The following WNT9A variants were observed in gnomAD, a reference collection of about 807,000 sequenced individuals.
The protein encoded by WNT9A is Wnt family member 9A.
Under a neutral mutation model 31.4 loss-of-function variants are expected in WNT9A, and 8 were observed. The ratio of observed to expected loss-of-function variants is 0.26; its 90% CI spans 0.15 to 0.46. The LOEUF is 0.46. WNT9A is among the 20% of genes least tolerant of loss of function. The pLI is 0.99. For missense variants in WNT9A, 457 were observed against 522.9 expected (o/e 0.87, Z 1.23); for synonymous variants, 236 against 220.1 (o/e 1.07, Z -0.64).
At chr1:227,931,136 G>A (rs1030810934) in intron 1 of WNT9A, among the ~76,000 whole-genome samples, 2 of 152,024 alleles carry the variant, frequency 1.3e-5, no homozygotes, top group East Asian at 3.9e-4. Context: ...ACCGAGGCTG[G>A]AGTGCAGTGG....
At position 227,921,556 on chromosome 1, in the gene WNT9A, A is replaced by C. The variant is rs755237721; in HGVS notation, c.1060T>G (p.Cys354Gly). 1 of 1,612,764 alleles carries C rather than the reference A, an allele frequency of 6.2e-7. No individual in the cohort carries two copies. Among genetic ancestry groups the C allele is most frequent in the Non-Finnish European group, 8.5e-7 (1 of 1,179,574 alleles). Residue 354 changes from cysteine (C) to glycine (G), a missense_variant, in exon 4 of 4, where the codon TGC becomes GGC. Coordinates refer to ENST00000272164, the MANE Select transcript of WNT9A (RefSeq NM_003395.4). Reference sequence around the variant, plus strand: ...GTGTAGACCTCCTCACGCTGCGTGCACTGCCTGCACTCCACATAGCAGCAC... The same window carrying C: ...GTGTAGACCTCCTCACGCTGCGTGCCCTGCCTGCACTCCACATAGCAGCAC... ...RWCCYVECRQ[C>G]TQREEVYTCK...
Position 227,924,222 on chromosome 1 carries a change from C to T in WNT9A, c.531G>A (p.Lys177=), listed in dbSNP as rs200491622. ...GCGDNLKYSS[K]FVKEFLGRRS... is the part of the protein sequence containing the mutation. ...GTCTGCCCAGGAATTCCTTGACGAA[C>T]TTGCTGCTGTACTTAAGGTTGTCTC... The change falls in exon 3 of 4, where the codon AAG becomes AAA. Residue 177 remains lysine (K), a synonymous_variant. Transcript: ENST00000272164. The T allele has an allele frequency of 1.6e-4, 258 of 1,613,198 alleles. 3 individuals are homozygous for T. The Middle Eastern group carries it at 9.2e-3, about 58-fold the overall frequency.
chr1:227,941,036 C>CA (rs1666696461), intron 1 of WNT9A, among the ~76,000 whole-genome samples: 1 of 152,272 alleles, frequency 6.6e-6, no homozygotes. Context: ...TGCATGGCTG[C>CA]TCTGGTGGGG....
At chr1:227,932,076 T>C (rs753788160) in intron 1 of WNT9A, among the ~76,000 whole-genome samples, 13 of 152,214 alleles carry the variant, frequency 8.5e-5, no homozygotes, top group Admixed American at 1.3e-4. Flanking sequence ...GGACTCTCCC[T>C]TTCATGAAAG....
At chr1:227,935,734 T>G (rs1053685653) in intron 1 of WNT9A, among the ~76,000 whole-genome samples, 1 of 152,218 alleles carries the variant, frequency 6.6e-6, no homozygotes, top group Non-Finnish European at 1.5e-5. Flanking sequence ...TTCCTCTTTT[T>G]GGGTTTTTGT....
intron 1 of WNT9A, among the ~76,000 whole-genome samples, chr1:227,930,065 T>C (rs1666481483): frequency 6.6e-6 from 1 of 152,224 alleles, no homozygotes; most frequent in African/African-American, 2.4e-5. Flanking sequence ...ATCACATCTT[T>C]CTGGAAGCAT....
Position 227,921,299 on chromosome 1 carries a change from T to A in WNT9A, c.*219A>T. 3.2e-6 allele frequency: 2 copies of A among 630,402 alleles called. No homozygotes were observed. The highest frequency in any genetic ancestry group is 2.6e-6 in the Non-Finnish European group (1 of 382,034). The allele number at this position is 630,402 out of a possible 1,614,324, so 39.1% of individuals were successfully genotyped here. On this transcript the variant is annotated 3_prime_UTR_variant, in exon 4 of 4. Transcript: ENST00000272164. ...TGCTCTGTGCAATGCCTGCACCCCA[T>A]GCAGCTAGGACTGAGCCCAGGGACT...
intron 2 of WNT9A, 50 bp from the exon 3 acceptor site, chr1:227,924,450 C>T: frequency 1.3e-6 from 2 of 1,571,740 alleles, no homozygotes; most frequent in Non-Finnish European, 1.7e-6. Flanking sequence ...CAGAGTTCCC[C>T]CTTCACTGTC....
At chr1:227,923,854 C>T (rs931248797) in intron 3 of WNT9A, among the ~76,000 whole-genome samples, 10 of 152,126 alleles carry the variant, frequency 6.6e-5, no homozygotes, top group Non-Finnish European at 1.3e-4. Context: ...CCACAGGGAC[C>T]GTGGGGGCCC....
At chr1:227,944,225 G>A (rs892661358) in intron 1 of WNT9A, among the ~76,000 whole-genome samples, 5 of 152,268 alleles carry the variant, frequency 3.3e-5, no homozygotes, top group South Asian at 2.1e-4. Flanking sequence ...CAATACTAAC[G>A]CGTGCTACAA....
chr1:227,936,896 C>T (rs1011629773), intron 1 of WNT9A, among the ~76,000 whole-genome samples: 11 of 152,144 alleles, frequency 7.2e-5, no homozygotes, highest in Non-Finnish European at 1.3e-4. Flanking sequence ...TATTCAATTT[C>T]GGAAAACTCT....
At chr1:227,947,299 C>T (rs1285486513) in intron 1 of WNT9A, among the ~76,000 whole-genome samples, 1 of 150,878 alleles carries the variant, frequency 6.6e-6, no homozygotes, top group African/African-American at 2.5e-5. Flanking sequence ...TGGAGGATTT[C>T]TCTCTTTCTC....
chr1:227,931,382 T>C (rs1666508151), intron 1 of WNT9A, among the ~76,000 whole-genome samples: 1 of 152,222 alleles, frequency 6.6e-6, no homozygotes, highest in Non-Finnish European at 1.5e-5. Flanking sequence ...TCTTGTTTCA[T>C]TTTCCTAGGA....
At chr1:227,947,161 A>C (rs1427268495) in intron 1 of WNT9A, among the ~76,000 whole-genome samples, 2 of 152,150 alleles carry the variant, frequency 1.3e-5, no homozygotes, top group Non-Finnish European at 2.9e-5. Flanking sequence ...GAGCACGGGC[A>C]ATGACACCGC....
At chr1:227,947,748 G>T in intron 1 of WNT9A, 45 bp downstream of exon 1, 1 of 892,464 alleles carries the variant, frequency 1.1e-6, no homozygotes, top group Non-Finnish European at 1.4e-6. Flanking sequence ...CCCCGGCCCC[G>T]CCGCCCCCGC....
intron 1 of WNT9A, among the ~76,000 whole-genome samples, chr1:227,945,970 G>A (rs1666787659): frequency 6.6e-6 from 1 of 152,226 alleles, no homozygotes; most frequent in South Asian, 2.1e-4. Context: ...GCTGCCCTCT[G>A]CAATGCCAGC....
chr1:227,920,854 G>T lies in WNT9A; in HGVS notation c.*664C>A. On this transcript the variant is annotated 3_prime_UTR_variant, in exon 4 of 4. Transcript: ENST00000272164. ...GTCAGAGGGAGGAAGCTGAGGCCCAGGGCACAAGCAGAGAGGTTGCATACG... is the reference window on the plus strand; with the variant it reads ...GTCAGAGGGAGGAAGCTGAGGCCCATGGCACAAGCAGAGAGGTTGCATACG... 6.6e-6 allele frequency: 1 copy of T among 152,456 alleles called. No homozygotes were observed. The highest frequency in any genetic ancestry group is 1.5e-5 in the Non-Finnish European group (1 of 68,204). 9.4% of individuals were successfully genotyped at this position (152,456 alleles called of 1,614,324 possible). A position where few individuals can be genotyped will look rare whatever the true frequency, so the allele number is the denominator to read the frequency against.
At chr1:227,940,560 G>A (rs182777663) in intron 1 of WNT9A, among the ~76,000 whole-genome samples, 52 of 152,260 alleles carry the variant, frequency 3.4e-4, no homozygotes, top group African/African-American at 1.1e-3. Context: ...CTCCAGGTCT[G>A]CAGCCTCTGT....
At chr1:227,939,454 G>A (rs965968640) in intron 1 of WNT9A, among the ~76,000 whole-genome samples, 5 of 152,154 alleles carry the variant, frequency 3.3e-5, no homozygotes, top group Non-Finnish European at 7.4e-5. Flanking sequence ...GGGCCACCCT[G>A]GGAGGACCCA....
Sources: gnomAD v4.1 joint callset for allele counts (sites outside exome capture counted in the v4.1 genomes callset) on GRCh38, gnomAD v4.1.1 for gene constraint, MANE v1.5 for transcripts, NCBI Gene and HGNC (gene_info 2026-07-23, HGNC 2026-07-21) for gene names.